The following GALNT17 variants were observed in gnomAD, a reference collection of about 807,000 sequenced individuals.
The protein encoded by GALNT17 is UDP-GalNAc:polypeptide N-acetylgalactosaminyltransferase-like 3.
Under a neutral mutation model 63.7 loss-of-function variants are expected in GALNT17, and 29 were observed. The ratio of observed to expected loss-of-function variants is 0.46; its 90% confidence interval spans 0.34 to 0.62. The LOEUF (loss-of-function observed/expected upper bound fraction) is 0.62. Among genes scored for constraint, GALNT17 ranks in the 20% least tolerant of loss-of-function variants. The pLI is 0.01. For missense variants in GALNT17, 603 were observed against 799.6 expected (o/e 0.75, Z 2.97); for synonymous variants, 305 against 318.3 (o/e 0.96, Z 0.45).
chr7:71,256,090 A>G (rs529118695), intron 1 of GALNT17, among the ~76,000 whole-genome samples: 10 of 152,318 alleles, frequency 6.6e-5, no homozygotes, highest in Non-Finnish European at 8.8e-5. Flanking sequence ...TGGTCTCCAC[A>G]ACTCCTTATC....
rs139718294 is a variant in GALNT17 at position 71,498,013 on chromosome 7, G to A, written c.963-73272G>A. Among the ~76,000 whole-genome samples, 44 of 152,356 alleles carry A rather than the reference G, an allele frequency of 2.9e-4. 1 individual carries two copies. The East Asian group carries it at 4.8e-3, about 17-fold the overall frequency. ...AAAAAGAATATGTGTATGCACATGC[G>A]TGTGGGATCATGCCTTTTCTCTGTG... On this transcript the variant is annotated intron_variant, in intron 5 of 10. Coordinates refer to ENST00000333538, the MANE Select transcript of GALNT17 (RefSeq NM_022479.3).
chr7:71,345,556 C>T (rs574714497), intron 2 of GALNT17, among the ~76,000 whole-genome samples: 10 of 152,272 alleles, frequency 6.6e-5, no homozygotes, highest in African/African-American at 2.4e-4. Context: ...ATGTCATGCC[C>T]AGTGAACAGA....
intron 1 of GALNT17, among the ~76,000 whole-genome samples, chr7:71,259,642 T>TTTG (rs887254937): frequency 3.4e-5 from 5 of 146,938 alleles, no homozygotes; most frequent in African/African-American, 5.1e-5. Flanking sequence ...TTTTTTGTTT[T>TTTG]TTTGTTTTTT....
chr7:71,307,830 A>T (rs923808479), intron 1 of GALNT17: 1 of 152,372 alleles, frequency 6.6e-6, no homozygotes, highest in African/African-American at 2.4e-5. Context: ...CTTATGAGTG[A>T]AGCATTTTTT....
At position 71,330,479 on chromosome 7, in the gene GALNT17, G is replaced by A. The variant is rs141595715; in HGVS notation, c.239-5071G>A. Among the ~76,000 whole-genome samples the A allele has an allele frequency of 9.4e-3, 1,426 of 152,108 alleles. 15 individuals are homozygous for A. The highest frequency in any genetic ancestry group is 0.031 in the African/African-American group (1,289 of 41,508). On this transcript the variant is annotated intron_variant, in intron 1 of 10. Coordinates refer to ENST00000333538, the MANE Select transcript of GALNT17 (RefSeq NM_022479.3). Reference sequence around the variant, plus strand: ...GTGGTGTAATCATAGCTCATTGCAGGCTTGAACTCCTGAGCTCAAGCAATC... The same window carrying A: ...GTGGTGTAATCATAGCTCATTGCAGACTTGAACTCCTGAGCTCAAGCAATC...
chr7:71,513,682 G>A (rs367945177), intron 5 of GALNT17, among the ~76,000 whole-genome samples: 6 of 151,834 alleles, frequency 4.0e-5, no homozygotes, highest in African/African-American at 1.5e-4. Flanking sequence ...CACTGCTCCC[G>A]GCCCCTTGGC....
chr7:71,441,085 C>T (rs1303276058), intron 5 of GALNT17, among the ~76,000 whole-genome samples: 13 of 151,486 alleles, frequency 8.6e-5, no homozygotes, highest in Non-Finnish European at 1.2e-4. Context: ...TGCAGTGGCG[C>T]GATCTTGGCT....
At chr7:71,526,875 C>G (rs1788633834) in intron 5 of GALNT17, among the ~76,000 whole-genome samples, 1 of 152,180 alleles carries the variant, frequency 6.6e-6, no homozygotes, top group South Asian at 2.1e-4. Flanking sequence ...CTCAGCCCCT[C>G]TCAGTGCCAA....
chr7:71,701,931 A>C, intron 9 of GALNT17, among the ~76,000 whole-genome samples: 1 of 145,640 alleles, frequency 6.9e-6, no homozygotes, highest in African/African-American at 2.5e-5. Flanking sequence ...ATGTATATAT[A>C]TACATGTCAT....
Position 71,581,098 on chromosome 7 carries a change from T to C in GALNT17, c.1080+9696T>C, listed in dbSNP as rs533882856. ...TGGAAGGGGAAGGAGAATCAAGGCA[T>C]GTTTTAGCTGGTGGCAGGAGAGAGA... is the stretch of plus-strand genomic sequence containing the variant. On this transcript the variant is annotated intron_variant, in intron 6 of 10. Coordinates refer to ENST00000333538, the MANE Select transcript of GALNT17 (RefSeq NM_022479.3). 2.6e-5 allele frequency among the ~76,000 whole-genome samples: 4 copies of C among 152,166 alleles called. No individual in the cohort carries two copies. In the East Asian group the frequency reaches 7.7e-4, roughly 29 times the overall value.
At chr7:71,306,377 A>T (rs1034013995) in intron 1 of GALNT17, among the ~76,000 whole-genome samples, 2 of 152,272 alleles carry the variant, frequency 1.3e-5, no homozygotes, top group South Asian at 2.1e-4. Context: ...CTCTGTACCC[A>T]TTAAACAATA....
At chr7:71,563,963 G>A (rs531192927) in intron 5 of GALNT17, among the ~76,000 whole-genome samples, 242 of 152,132 alleles carry the variant, frequency 1.6e-3, no homozygotes, top group Non-Finnish European at 3.3e-3. Context: ...GAGCTAAAGC[G>A]ATCCTCCTGT....
chr7:71,319,551 T>C (rs1015411046), intron 1 of GALNT17, among the ~76,000 whole-genome samples: 1 of 152,132 alleles, frequency 6.6e-6, no homozygotes, highest in Admixed American at 6.6e-5. Flanking sequence ...GAATCCCAAT[T>C]TTCTATCTCC....
At chr7:71,385,559 A>G (rs1792926922) in intron 2 of GALNT17, among the ~76,000 whole-genome samples, 1 of 152,128 alleles carries the variant, frequency 6.6e-6, no homozygotes, top group South Asian at 2.1e-4. Context: ...ACACTCTCCC[A>G]CATGAGCTTT....
intron 1 of GALNT17, chr7:71,300,564 G>A (rs1399397709): frequency 2.7e-6 from 1 of 366,582 alleles, no homozygotes; most frequent in African/African-American, 2.1e-5. Flanking sequence ...TGGAAAGCAA[G>A]TCATTTGTTT....
intron 6 of GALNT17, among the ~76,000 whole-genome samples, chr7:71,623,947 G>C (rs1375610229): frequency 6.6e-6 from 1 of 152,100 alleles, no homozygotes; most frequent in African/African-American, 2.4e-5. Flanking sequence ...GTGGACCAAG[G>C]GGTCCCCAAA....
intron 1 of GALNT17, among the ~76,000 whole-genome samples, chr7:71,142,330 C>T (rs1414161064): frequency 6.6e-6 from 1 of 152,170 alleles, no homozygotes; most frequent in African/African-American, 2.4e-5. Flanking sequence ...ATCCTTCTCT[C>T]TTCCATGTGT....
At chr7:71,195,008 G>A (rs988213174) in intron 1 of GALNT17, among the ~76,000 whole-genome samples, 2 of 152,138 alleles carry the variant, frequency 1.3e-5, no homozygotes, top group South Asian at 4.1e-4. Flanking sequence ...ACCTAGCTTT[G>A]GCCAGGGGTT....
chr7:71,452,919 A>G (rs1374514520), intron 5 of GALNT17, among the ~76,000 whole-genome samples: 4 of 152,078 alleles, frequency 2.6e-5, no homozygotes, highest in Admixed American at 6.5e-5. Context: ...ATTTTTCTCC[A>G]TCTGCCTTAA....
Sources: allele counts gnomAD v4.1 joint callset (sites outside exome capture counted in the v4.1 genomes callset), GRCh38; gene constraint gnomAD v4.1.1; transcripts MANE v1.5; gene names NCBI Gene and HGNC (gene_info 2026-07-23, HGNC 2026-07-21).